Variants in AQP10 observed in about 807,000 individuals in gnomAD.
The protein encoded by AQP10 is aquaporin 10.
AQP10 carries 15 observed loss-of-function variants against 21.0 expected under a neutral mutation model. The ratio of observed to expected loss-of-function variants is 0.71; its 90% CI spans 0.48 to 1.10. The LOEUF is 1.10. Ranked by LOEUF, AQP10 falls within the 50% of genes least tolerant of loss-of-function variation. The probability of loss-of-function intolerance (pLI) is 0.00; values close to 1 mark genes in which losing one functional copy is unlikely to be tolerated. For synonymous variants in AQP10, 143 were observed against 155.7 expected, an observed-to-expected ratio of 0.92 and a Z score of 0.61; for missense variants, 268 against 379.5, an observed-to-expected ratio of 0.71 and a Z score of 2.44.
chr1:154,324,026 T>C, intron 5 of AQP10: 1 of 1,413,710 alleles, frequency 7.1e-7, no homozygotes, highest in Non-Finnish European at 9.3e-7. Flanking sequence ...CATGCCACAT[T>C]ACTTCCATGC....
At chr1:154,321,340 T>C (rs1468367783) in intron 1 of AQP10, 80 bp downstream of exon 1, 1 of 1,146,256 alleles carries the variant, frequency 8.7e-7, no homozygotes, top group Non-Finnish European at 1.2e-6. Context: ...TATCTCTTTC[T>C]CTTGGTGTCC....
intron 2 of AQP10, among the ~76,000 whole-genome samples, chr1:154,322,777 C>T (rs546714643): frequency 4.6e-5 from 7 of 152,162 alleles, no homozygotes; most frequent in South Asian, 2.1e-4. Context: ...GGATTACAGG[C>T]GTGAGCCACT....
chr1:154,321,424 T>G (rs1685639419), intron 1 of AQP10, among the ~76,000 whole-genome samples, 164 bp downstream of exon 1: 1 of 152,176 alleles, frequency 6.6e-6, no homozygotes, highest in Non-Finnish European at 1.5e-5. Context: ...CTCTCCTACT[T>G]CATCATTTTT....
Position 154,321,132 on chromosome 1 carries a change from G to A in AQP10, c.-24G>A. The A allele has an allele frequency of 6.3e-7, 1 of 1,596,606 alleles. No individual in the cohort carries two copies. Among genetic ancestry groups the A allele is most frequent in the Non-Finnish European group, 8.6e-7 (1 of 1,167,182 alleles). On this transcript the variant is annotated 5_prime_UTR_variant, in exon 1 of 6. Coordinates refer to ENST00000324978, the MANE Select transcript of AQP10 (RefSeq NM_080429.3). Reference sequence around the variant, plus strand: ...TGCCTATGCAGACAGAGGGAGCAGTGAATAGCAATAGGGTGTTTCCACCAT... The same window carrying A: ...TGCCTATGCAGACAGAGGGAGCAGTAAATAGCAATAGGGTGTTTCCACCAT...
chr1:154,324,698 C>G lies in AQP10; in HGVS notation c.*218C>G, dbSNP rs1327729601. ...ACTCAGGCTTCTCATCCCCTCCTCC[C>G]GCAAAGCGGTTTTCTGACCCTCAGG... On this transcript the variant is annotated 3_prime_UTR_variant, in exon 6 of 6. Transcript: ENST00000324978. 4.2e-6 allele frequency: 2 copies of G among 477,904 alleles called. No homozygotes were observed. Among genetic ancestry groups the G allele is most frequent in the Admixed American group, 8.0e-5 (2 of 24,910 alleles). 29.6% of individuals were successfully genotyped at this position (477,904 alleles called of 1,614,324 possible).
intron 5 of AQP10, chr1:154,324,017 A>C (rs1464134581): frequency 7.0e-7 from 1 of 1,428,756 alleles, no homozygotes; most frequent in Non-Finnish European, 9.2e-7. Flanking sequence ...GTTCTTAGGC[A>C]TGCCACATTA....
intron 2 of AQP10, among the ~76,000 whole-genome samples, chr1:154,322,489 C>CTTCTTTTTTTTTTT (rs376265152): frequency 3.4e-5 from 4 of 117,858 alleles, no homozygotes; most frequent in African/African-American, 9.6e-5. Flanking sequence ...GTGTCTTCTT[C>CTTCTTTTTTTTTTT]TTTTTTTTTT....
In AQP10 at chr1:154,324,491, C is replaced by G. The variant is rs762160177; in HGVS notation, c.*11C>G. 6.2e-7 allele frequency: 1 copy of G among 1,611,114 alleles called. No homozygotes were observed. The highest frequency in any genetic ancestry group is 8.5e-7 in the Non-Finnish European group (1 of 1,178,868). On this transcript the variant is annotated 3_prime_UTR_variant, in exon 6 of 6. Transcript: ENST00000324978. ...GAGTGTAAGCTATGATTAGGACAAC[C>G]CTCACTTCACTCATGGACCCTGGAG...
chr1:154,323,219 T>C lies in AQP10; in HGVS notation c.371-22T>C. On this transcript the variant is annotated intron_variant, in intron 3 of 5. Transcript: ENST00000324978. This position sits in a 1 kb window ranked among gnomAD's most constrained non-coding sequence, Gnocchi z 4.5. Reference sequence around the variant, plus strand: ...GATGAATGAGCAAAGAGGGAAATCCTGGGTGTTCCCTTCCTCCACAGATGC... The same window carrying C: ...GATGAATGAGCAAAGAGGGAAATCCCGGGTGTTCCCTTCCTCCACAGATGC... The C allele has an allele frequency of 6.2e-7, 1 of 1,613,390 alleles. No homozygotes were observed.
In AQP10 at chr1:154,324,796, G is replaced by C. The variant is rs1045648735; in HGVS notation, c.*316G>C. ...CTGGATGCTGGATGGGGACGGCTGC[G>C]GGCATCTGCAGGGTGGAGGGGGCCA... On this transcript the variant is annotated 3_prime_UTR_variant, in exon 6 of 6. Coordinates refer to ENST00000324978, the MANE Select transcript of AQP10 (RefSeq NM_080429.3). The C allele has an allele frequency of 5.0e-5, 12 of 238,310 alleles. No individual in the cohort carries two copies. Among genetic ancestry groups the C allele is most frequent in the Non-Finnish European group, 8.3e-5 (10 of 120,902 alleles). The allele number at this position is 238,310 out of a possible 1,614,324, so 14.8% of individuals were successfully genotyped here. A position where few individuals can be genotyped will look rare whatever the true frequency, so the allele number is the denominator to read the frequency against.
In AQP10 at chr1:154,321,136, A is replaced by G. The variant is rs748128844; in HGVS notation, c.-20A>G. The stretch of plus-strand genomic sequence containing the variant: ...TATGCAGACAGAGGGAGCAGTGAAT[A>G]GCAATAGGGTGTTTCCACCATGGTC... On this transcript the variant is annotated 5_prime_UTR_variant, in exon 1 of 6. The change creates a new upstream start codon in the 5' untranslated region. Coordinates refer to ENST00000324978, the MANE Select transcript of AQP10 (RefSeq NM_080429.3). 5 of 1,599,874 alleles carry G rather than the reference A, an allele frequency of 3.1e-6. No individual in the cohort carries two copies. In the South Asian group the frequency reaches 3.3e-5, roughly 11 times the overall value.
At chr1:154,321,423 TTCA>T (rs1426729786) in intron 1 of AQP10, among the ~76,000 whole-genome samples, 163 bp downstream of exon 1, 3 of 152,332 alleles carry the variant, frequency 2.0e-5, no homozygotes, top group Non-Finnish European at 2.9e-5. Context: ...CCTCTCCTAC[TTCA>T]TCATTTTTAT....
At position 154,324,451 on chromosome 1, in the gene AQP10, T is replaced by G; in HGVS notation, c.877T>G (p.Ser293Ala). 6.2e-7 allele frequency: 1 copy of G among 1,613,696 alleles called. No homozygotes were observed. Among genetic ancestry groups the G allele is most frequent in the Non-Finnish European group, 8.5e-7 (1 of 1,179,966 alleles). The change falls in exon 6 of 6, where the codon TCA becomes GCA. Residue 293 changes from serine to alanine, a missense_variant. Physicochemically the swap from Ser to Ala is moderately conservative, Grantham distance 99. Coordinates refer to ENST00000324978, the MANE Select transcript of AQP10 (RefSeq NM_080429.3). ...AGCCTCAGAGTTGGAAACTCCTGCC[T>G]CAGCTCAGATGCTGGAGTGTAAGCT... ...HKASELETPA[S>A]AQMLECKL
intron 5 of AQP10, 182 bp from the exon 6 acceptor site, chr1:154,324,100 C>A: frequency 8.4e-7 from 1 of 1,186,116 alleles, no homozygotes; most frequent in Non-Finnish European, 1.1e-6. Context: ...AGAGGCTGGA[C>A]CAAGCTCTCC....
chr1:154,324,220 C>A, intron 5 of AQP10, 62 bp from the exon 6 acceptor site: 1 of 1,453,792 alleles, frequency 6.9e-7, no homozygotes, highest in Non-Finnish European at 9.2e-7. Flanking sequence ...GCCCCCCGTC[C>A]TTGGAGAGGG....
Position 154,324,557 on chromosome 1 carries a change from T to C in AQP10, c.*77T>C. ...GCCTGGGAACAACAGTCATTCTTCC[T>C]CTTTGTTAATGTGCCAGAACCTGGG... On this transcript the variant is annotated 3_prime_UTR_variant, in exon 6 of 6. Coordinates refer to ENST00000324978, the MANE Select transcript of AQP10 (RefSeq NM_080429.3). 6.9e-7 allele frequency: 1 copy of C among 1,453,818 alleles called. No homozygotes were observed. Among genetic ancestry groups the C allele is most frequent in the Non-Finnish European group, 9.4e-7 (1 of 1,065,938 alleles). The allele number at this position is 1,453,818 out of a possible 1,614,324, so 90.1% of individuals were successfully genotyped here.
rs1243637174 is a variant in AQP10, at chr1:154,321,967, C to G, written c.140C>G (p.Thr47Ser). 1 of 1,613,418 alleles carries G rather than the reference C, an allele frequency of 6.2e-7. No homozygotes were observed. The highest frequency in any genetic ancestry group is 8.5e-7 in the Non-Finnish European group (1 of 1,179,800). Residue 47 changes from threonine to serine, a missense_variant, in exon 2 of 6, where the codon ACC becomes AGC. Coordinates refer to ENST00000324978, the MANE Select transcript of AQP10 (RefSeq NM_080429.3). ...LTQGAVAQAV[T>S]SGETKGNFFT... ...CAAGGAGCTGTGGCCCAGGCTGTCACCAGTGGAGAAACCAAAGGCAACTTC... is the reference window on the plus strand; with the variant it reads ...CAAGGAGCTGTGGCCCAGGCTGTCAGCAGTGGAGAAACCAAAGGCAACTTC...
Position 154,323,522 on chromosome 1 carries a change from G to C in AQP10, c.490-67G>C, listed in dbSNP as rs1685691879. On this transcript the variant is annotated intron_variant, in intron 4 of 5. Coordinates refer to ENST00000324978, the MANE Select transcript of AQP10 (RefSeq NM_080429.3). This position sits in a 1 kb window ranked among gnomAD's most constrained non-coding sequence, Gnocchi z 4.5. ...CAAAGCCAGATGACATGGAATATTT[G>C]GATGAGAGAGGGCAGATGGAGCACC... 6.4e-7 allele frequency: 1 copy of C among 1,555,918 alleles called. No homozygotes were observed. The highest frequency in any genetic ancestry group is 1.4e-5 in the African/African-American group (1 of 73,576).
At chr1:154,321,323 T>G (rs1301359146) in intron 1 of AQP10, 63 bp downstream of exon 1, 6 of 1,368,110 alleles carry the variant, frequency 4.4e-6, no homozygotes, top group African/African-American at 4.4e-5. Context: ...GCTCCTTCTG[T>G]TGTCCTTATC....
Sources: allele counts gnomAD v4.1 joint callset (sites outside exome capture counted in the v4.1 genomes callset), GRCh38; gene constraint gnomAD v4.1.1; non-coding constraint Gnocchi (gnomAD v3.1); transcripts MANE v1.5; gene names NCBI Gene and HGNC (gene_info 2026-07-23, HGNC 2026-07-21).